The following SLC35G2 variants were observed in gnomAD, a reference collection of about 807,000 sequenced individuals.
The protein encoded by SLC35G2 is solute carrier family 35 member G2.
SLC35G2 carries 20 observed loss-of-function variants against 27.2 expected under a neutral mutation model. That is an observed-to-expected ratio of 0.74 (90% CI 0.52 to 1.07). The LOEUF is 1.07. Ranked by LOEUF, SLC35G2 falls within the 50% of genes least tolerant of loss-of-function variation. The pLI, the probability that SLC35G2 is intolerant of heterozygous loss-of-function variation, is 0.00. For missense variants in SLC35G2, 416 were observed against 493.3 expected, an observed-to-expected ratio of 0.84 and a Z score of 1.48; for synonymous variants, 148 against 165.3, an observed-to-expected ratio of 0.90 and a Z score of 0.80.
intron 1 of SLC35G2, among the ~76,000 whole-genome samples, chr3:136,825,692 A>G (rs1443120092): frequency 6.6e-6 from 1 of 152,196 alleles, no homozygotes; most frequent in Non-Finnish European, 1.5e-5. Flanking sequence ...TGTTGATATA[A>G]TTTATCACAT....
intron 1 of SLC35G2, among the ~76,000 whole-genome samples, chr3:136,831,384 T>C (rs971707269): frequency 2.0e-5 from 3 of 152,242 alleles, no homozygotes; most frequent in Non-Finnish European, 4.4e-5. Context: ...TCATTCATTT[T>C]TCCAGCATTT....
chr3:136,844,797 CAAAA>C (rs58243269), intron 1 of SLC35G2, among the ~76,000 whole-genome samples: 27 of 35,772 alleles, frequency 7.5e-4, no homozygotes, highest in African/African-American at 1.9e-3. Flanking sequence ...CTCTCTGTCT[CAAAA>C]AAAAAAAAAA....
intron 1 of SLC35G2, among the ~76,000 whole-genome samples, chr3:136,847,760 G>T (rs1401077542): frequency 6.6e-6 from 1 of 152,072 alleles, no homozygotes; most frequent in Non-Finnish European, 1.5e-5. Flanking sequence ...CTTGAGGTCA[G>T]GAGTTCGAGA....
intron 1 of SLC35G2, among the ~76,000 whole-genome samples, chr3:136,850,030 C>G (rs1459725141): frequency 1.3e-5 from 2 of 152,094 alleles, no homozygotes; most frequent in Non-Finnish European, 2.9e-5. Flanking sequence ...TCTCTTGAAG[C>G]CGGGAGGTGG....
intron 1 of SLC35G2, among the ~76,000 whole-genome samples, chr3:136,845,017 A>G (rs1281604506): frequency 6.6e-6 from 1 of 152,150 alleles, no homozygotes; most frequent in Non-Finnish European, 1.5e-5. Context: ...TGTTGGTTCC[A>G]TATTAACTAG....
intron 1 of SLC35G2, among the ~76,000 whole-genome samples, chr3:136,833,669 T>C (rs144743653): frequency 2.6e-5 from 4 of 152,284 alleles, no homozygotes; most frequent in African/African-American, 7.2e-5. Context: ...CTGTGAGATA[T>C]AATGTTGCCG....
At chr3:136,851,877 T>TG (rs1937650099) in intron 1 of SLC35G2, among the ~76,000 whole-genome samples, 1 of 152,146 alleles carries the variant, frequency 6.6e-6, no homozygotes, top group South Asian at 2.1e-4. Context: ...AGGATGCTGT[T>TG]GCAATATTCT....
chr3:136,850,506 A>G (rs919462615), intron 1 of SLC35G2, among the ~76,000 whole-genome samples: 1 of 152,160 alleles, frequency 6.6e-6, no homozygotes, highest in African/African-American at 2.4e-5. Context: ...GAGCCAAATA[A>G]TATTTTAAAA....
intron 1 of SLC35G2, chr3:136,838,353 T>C (rs1052234761): frequency 6.6e-6 from 1 of 151,656 alleles, no homozygotes; most frequent in African/African-American, 2.4e-5. Flanking sequence ...GTGTAGTGAT[T>C]TTAATAAATC....
At chr3:136,828,445 T>TA (rs1439219403) in intron 1 of SLC35G2, among the ~76,000 whole-genome samples, 3 of 152,244 alleles carry the variant, frequency 2.0e-5, no homozygotes, top group Admixed American at 1.3e-4. Flanking sequence ...TTATAGTTGT[T>TA]ATAGCCTCTT....
In SLC35G2 at chr3:136,855,587, T is replaced by C. The variant is rs777448018; in HGVS notation, c.1127T>C (p.Phe376Ser). The C allele has an allele frequency of 3.1e-6, 5 of 1,614,086 alleles. No homozygotes were observed. The South Asian group carries it at 4.4e-5, about 14-fold the overall frequency. The change falls in exon 2 of 2, where the codon TTT becomes TCT. Residue 376 changes from phenylalanine to serine, a missense_variant. Physicochemically the swap from Phe to Ser is radical, Grantham distance 155 (BLOSUM62 -2). Coordinates refer to ENST00000446465, the MANE Select transcript of SLC35G2 (RefSeq NM_025246.3). ...ATATTTCCTAGCATCTATGATGTTTTTGGAGGGGTAATCATTATGATTAGT... is the reference window on the plus strand; with the variant it reads ...ATATTTCCTAGCATCTATGATGTTTCTGGAGGGGTAATCATTATGATTAGT... ...LHIFPSIYDV[F>S]GGVIIMISVF...
At chr3:136,852,992 T>C (rs1937747411) in intron 1 of SLC35G2, among the ~76,000 whole-genome samples, 1 of 152,264 alleles carries the variant, frequency 6.6e-6, no homozygotes, top group South Asian at 2.1e-4. Flanking sequence ...GAGAGTTTAC[T>C]ATATGCCAGC....
intron 1 of SLC35G2, among the ~76,000 whole-genome samples, chr3:136,836,046 T>C (rs937705588): frequency 7.9e-5 from 12 of 152,272 alleles, no homozygotes; most frequent in Admixed American, 5.9e-4. Context: ...AGAACCAAGA[T>C]CTGGATGCTA....
chr3:136,823,918 T>A (rs1936520900), intron 1 of SLC35G2, among the ~76,000 whole-genome samples: 1 of 152,046 alleles, frequency 6.6e-6, no homozygotes, highest in Admixed American at 6.6e-5. Flanking sequence ...GTGATAGGGG[T>A]CTAGTTTCAT....
intron 1 of SLC35G2, among the ~76,000 whole-genome samples, chr3:136,832,379 A>G (rs1031920665): frequency 1.3e-5 from 2 of 152,122 alleles, no homozygotes; most frequent in African/African-American, 4.8e-5. Flanking sequence ...CTTTTTACCA[A>G]TTCTTATGCT....
rs1214137857 is a variant in SLC35G2, at chr3:136,855,728, T to G, written c.*29T>G. 1 of 1,475,412 alleles carries G rather than the reference T, an allele frequency of 6.8e-7. No homozygotes were observed. Among genetic ancestry groups the G allele is most frequent in the Non-Finnish European group, 9.2e-7 (1 of 1,088,364 alleles). 91.4% of individuals were successfully genotyped at this position (1,475,412 alleles called of 1,614,324 possible). On this transcript the variant is annotated 3_prime_UTR_variant, in exon 2 of 2. Transcript: ENST00000446465. ...CCTGATTATTATTGTCTCATTAATG[T>G]TCAGTTATTATGTATACTGCCATTT...
chr3:136,838,259 AT>A (rs1290222142), intron 1 of SLC35G2: 1 of 10,210 alleles, frequency 9.8e-5, no homozygotes, highest in African/African-American at 3.2e-4. Context: ...ATATATATAT[AT>A]ATATATATAT....
intron 1 of SLC35G2, among the ~76,000 whole-genome samples, chr3:136,822,563 C>T (rs113662613): frequency 3.3e-5 from 5 of 152,344 alleles, no homozygotes; most frequent in African/African-American, 9.6e-5. Flanking sequence ...GATCTGGCTG[C>T]CTCAGCCTCC....
At chr3:136,852,807 T>C (rs1224924951) in intron 1 of SLC35G2, among the ~76,000 whole-genome samples, 1 of 152,016 alleles carries the variant, frequency 6.6e-6, no homozygotes, top group Non-Finnish European at 1.5e-5. Context: ...TTTTGTTTTT[T>C]AAGCGGGAGG....
Sources: allele counts gnomAD v4.1 joint callset (sites outside exome capture counted in the v4.1 genomes callset), GRCh38; gene constraint gnomAD v4.1.1; transcripts MANE v1.5; gene names NCBI Gene and HGNC (gene_info 2026-07-23, HGNC 2026-07-21).